Variants in EP400 observed in about 807,000 individuals in gnomAD.
The protein encoded by EP400 is E1A binding protein p400, also known as E1A-binding protein p400.
A neutral mutation model predicts 354.1 loss-of-function variants in EP400; 105 were observed. The ratio of observed to expected loss-of-function variants is 0.30; its 90% CI spans 0.25 to 0.35. The LOEUF (loss-of-function observed/expected upper bound fraction) is 0.35. EP400 is among the 10% of genes least tolerant of loss of function. EP400 has a pLI of 1.00. For missense variants in EP400, 3,280 were observed against 4,121.0 expected, an observed-to-expected ratio of 0.80 and a Z score of 5.59; for synonymous variants, 1,646 against 1,716.9, an observed-to-expected ratio of 0.96 and a Z score of 1.02.
Position 132,028,308 on chromosome 12 carries a change from C to T in EP400, c.5381+20C>T, listed in dbSNP as rs373862004. On this transcript the variant is annotated intron_variant, in intron 27 of 52. Transcript: ENST00000389561. ...TGACAGGTACTGCAGACCTCGTGAC[C>T]TTTTCGGTGCTCTCTGGCTGCATTG... The T allele has an allele frequency of 8.1e-6, 13 of 1,603,884 alleles. No homozygotes were observed. Among genetic ancestry groups the T allele is most frequent in the African/African-American group, 1.3e-5 (1 of 74,762 alleles).
At chr12:131,971,101 G>A (rs1892273613) in intron 2 of EP400, among the ~76,000 whole-genome samples, 1 of 152,142 alleles carries the variant, frequency 6.6e-6, no homozygotes, top group Admixed American at 6.5e-5. Flanking sequence ...TCATTCAGAA[G>A]GCTGAGGCGG....
In EP400 at chr12:132,053,484, C is replaced by T; in HGVS notation, c.7615C>T (p.Pro2539Ser). Residue 2539 changes from proline to serine, a missense_variant, in exon 43 of 53, where the codon CCA becomes TCA. By Grantham distance (74) the Pro-to-Ser change is moderately conservative. This residue lies in a region of EP400 where 255 missense variants were observed against 295.9 expected (regional missense o/e 0.86). Coordinates refer to ENST00000389561, the MANE Select transcript of EP400 (RefSeq NM_015409.5). ...AGCGGGCAGCCAGCCGCCAGCAGGG[C>T]CACCAGCTGTCCAGCCCCAACCCCA... ...QAAGSQPPAGPPAVQPQPQPQ... is the reference protein window; with the variant it reads ...QAAGSQPPAGSPAVQPQPQPQ... 1 of 1,533,524 alleles carries T rather than the reference C, an allele frequency of 6.5e-7. No individual in the cohort carries two copies. The highest frequency in any genetic ancestry group is 2.4e-5 in the East Asian group (1 of 40,934). The allele number at this position is 1,533,524 out of a possible 1,614,324, so 95.0% of individuals were successfully genotyped here. A position where few individuals can be genotyped will look rare whatever the true frequency, so the allele number is the denominator to read the frequency against.
At position 131,991,446 on chromosome 12, in the gene EP400, A is replaced by G; in HGVS notation, c.2669A>G (p.Glu890Gly). 1.2e-6 allele frequency: 2 copies of G among 1,614,060 alleles called. No homozygotes were observed. The highest frequency in any genetic ancestry group is 1.7e-6 in the Non-Finnish European group (2 of 1,179,980). ...CCTAAAGGATTTGACGCATTACAGG[A>G]AAGTTCTCTGGTAAGTTTGGGGTTG... is the stretch of plus-strand genomic sequence containing the variant. ...LRPKGFDALQESSLDSGMSGR... is the reference protein window; with the variant it reads ...LRPKGFDALQGSSLDSGMSGR... Residue 890 changes from glutamate to glycine, a missense_variant, in exon 10 of 53, where the codon GAA becomes GGA. Physicochemically the swap from Glu to Gly is moderately conservative, Grantham distance 98. This residue lies in a region of EP400 where 800 missense variants were observed against 840.0 expected (regional missense o/e 0.95). Transcript: ENST00000389561.
At chr12:132,006,584 A>G (rs1893589143) in intron 14 of EP400, 116 bp from the exon 15 acceptor site, 8 of 1,102,846 alleles carry the variant, frequency 7.3e-6, no homozygotes, top group Non-Finnish European at 1.0e-5. Flanking sequence ...TTTTCTGTAG[A>G]TCATTTTTGT....
Position 132,006,687 on chromosome 12 carries a change from TTCA to T in EP400, c.3127-9_3127-7del. 1 of 1,561,772 alleles carries T rather than the reference TTCA, an allele frequency of 6.4e-7. No individual in the cohort carries two copies. The highest frequency in any genetic ancestry group is 1.7e-4 in the Middle Eastern group (1 of 5,888). On this transcript the variant is annotated splice_polypyrimidine_tract_variant and intron_variant, in intron 14 of 52. Coordinates refer to ENST00000389561, the MANE Select transcript of EP400 (RefSeq NM_015409.5). The stretch of plus-strand genomic sequence containing the variant: ...TGACGAGCTGTCATTCTTTTATTTG[TTCA>T]TCACTGCAGGTCAAGTTTAATGCTC...
intron 5 of EP400, among the ~76,000 whole-genome samples, 161 bp from the exon 6 acceptor site, chr12:131,986,353 G>T (rs1593327127): frequency 6.6e-6 from 1 of 152,352 alleles, no homozygotes; most frequent in Admixed American, 6.5e-5. Flanking sequence ...GGACACGTTA[G>T]TGTTGGGCTG....
chr12:132,037,633 A>T, intron 30 of EP400, 49 bp from the exon 31 acceptor site: 5 of 1,476,266 alleles, frequency 3.4e-6, no homozygotes, highest in Non-Finnish European at 4.7e-6. Flanking sequence ...ACCTGTTGTC[A>T]CTGTGTTTCC....
At position 131,994,001 on chromosome 12, in the gene EP400, T is replaced by A. The variant is rs1293655264; in HGVS notation, c.2738-866T>A. 1.3e-5 allele frequency among the ~76,000 whole-genome samples: 2 copies of A among 152,174 alleles called. No individual in the cohort carries two copies. Among genetic ancestry groups the A allele is most frequent in the Non-Finnish European group, 2.9e-5 (2 of 68,028 alleles). On this transcript the variant is annotated intron_variant, in intron 11 of 52. Coordinates refer to ENST00000389561, the MANE Select transcript of EP400 (RefSeq NM_015409.5). The surrounding 1 kb of genome is among the most constrained non-coding windows in gnomAD (Gnocchi z 4.6). Reference sequence around the variant, plus strand: ...ACTTTTCTTTTCCAAAATTCCACCCTGGAAACCAAGTGATCAGAAGGCAGA... The same window carrying A: ...ACTTTTCTTTTCCAAAATTCCACCCAGGAAACCAAGTGATCAGAAGGCAGA...
Position 132,025,559 on chromosome 12 carries a change from A to C in EP400, c.4856-87A>C, listed in dbSNP as rs935566294. On this transcript the variant is annotated intron_variant, in intron 24 of 52. Coordinates refer to ENST00000389561, the MANE Select transcript of EP400 (RefSeq NM_015409.5). This position sits in a 1 kb window ranked among gnomAD's most constrained non-coding sequence, Gnocchi z 4.1. ...GATTTGATTTTCAGTTTGTCAACTT[A>C]TTTTTGTACTGTTTGGAAGTGCCTG... The C allele has an allele frequency of 3.7e-6, 5 of 1,365,240 alleles. No homozygotes were observed. Among genetic ancestry groups the C allele is most frequent in the Non-Finnish European group, 4.8e-6 (5 of 1,031,130 alleles). 84.6% of individuals were successfully genotyped at this position (1,365,240 alleles called of 1,614,324 possible). A position where few individuals can be genotyped will look rare whatever the true frequency, so the allele number is the denominator to read the frequency against.
intron 29 of EP400, chr12:132,031,367 A>G (rs577114384): frequency 5.8e-5 from 30 of 519,166 alleles, no homozygotes; most frequent in Non-Finnish European, 1.0e-4. Flanking sequence ...AGTAAATGCA[A>G]GGTGGACTCT....
intron 15 of EP400, 99 bp downstream of exon 15, chr12:132,006,976 A>G (rs1893603425): frequency 3.7e-6 from 5 of 1,338,684 alleles, no homozygotes; most frequent in Admixed American, 2.1e-5. Context: ...TATCTTATCT[A>G]CTTCTTTGCT....
intron 44 of EP400, 24 bp from the exon 45 acceptor site, chr12:132,055,075 C>T: frequency 6.2e-7 from 1 of 1,613,816 alleles, no homozygotes; most frequent in East Asian, 2.2e-5. Flanking sequence ...GGCGCTGTTG[C>T]CTTATGCCCG....
At chr12:132,046,564 C>T (rs1458813273) in intron 39 of EP400, among the ~76,000 whole-genome samples, 1 of 152,136 alleles carries the variant, frequency 6.6e-6, no homozygotes, top group Non-Finnish European at 1.5e-5. Context: ...TGTTTATTTA[C>T]GTGTAGTGTA....
At chr12:132,034,329 C>A (rs761726769) in intron 30 of EP400, among the ~76,000 whole-genome samples, 2 of 152,198 alleles carry the variant, frequency 1.3e-5, no homozygotes, top group African/African-American at 4.8e-5. Context: ...GCAGGATGGG[C>A]TGTGCCAAGT....
At chr12:131,981,187 C>T (rs760463149) in intron 3 of EP400, among the ~76,000 whole-genome samples, 2 of 152,184 alleles carry the variant, frequency 1.3e-5, no homozygotes, top group Non-Finnish European at 2.9e-5. Flanking sequence ...TTGTGATGCT[C>T]CTCATGTGTG....
intron 15 of EP400, among the ~76,000 whole-genome samples, chr12:132,010,041 T>C (rs1184775331): frequency 6.6e-6 from 1 of 151,820 alleles, no homozygotes; most frequent in East Asian, 1.9e-4. Context: ...GGTGTTAAAA[T>C]ATCATCTGGA....
intron 15 of EP400, among the ~76,000 whole-genome samples, chr12:132,008,360 A>G (rs992791409): frequency 6.6e-6 from 1 of 152,210 alleles, no homozygotes; most frequent in South Asian, 2.1e-4. Context: ...GCATCTCATG[A>G]TAAGTTTTTA....
intron 12 of EP400, among the ~76,000 whole-genome samples, chr12:131,998,073 G>T (rs1281994152): frequency 6.6e-6 from 1 of 152,168 alleles, no homozygotes; most frequent in African/African-American, 2.4e-5. Context: ...TTAAGTGCCA[G>T]CTCAGACGTA....
rs1896343262 is a variant in EP400, at chr12:132,080,432, A to C, written c.*2759A>C. 1 of 152,694 alleles carries C rather than the reference A, an allele frequency of 6.5e-6. No homozygotes were observed. 9.5% of individuals were successfully genotyped at this position (152,694 alleles called of 1,614,324 possible). ...AGGGCATTGATAGCATACCAAACAA[A>C]AGGCAAAATAAAGTGACCTTTTTAT... On this transcript the variant is annotated 3_prime_UTR_variant, in exon 53 of 53. Transcript: ENST00000389561.
Sources: allele counts gnomAD v4.1 joint callset (sites outside exome capture counted in the v4.1 genomes callset), GRCh38; gene constraint gnomAD v4.1.1; regional missense constraint gnomAD v4.1.1; non-coding constraint Gnocchi (gnomAD v3.1); transcripts MANE v1.5; gene names NCBI Gene and HGNC (gene_info 2026-07-23, HGNC 2026-07-21).